MXRA7: variants seen among roughly 807,000 people sequenced by gnomAD.
MXRA7 encodes matrix remodeling associated 7.
A neutral mutation model predicts 17.4 loss-of-function variants in MXRA7; 18 were observed. The observed-to-expected ratio is 1.03, with a 90% CI of 0.71 to 1.53. The LOEUF is 1.53. MXRA7 is among the 40% of genes most tolerant of loss of function. The pLI is 0.00. For synonymous variants in MXRA7, 70 were observed against 101.7 expected (o/e 0.69, Z 1.87); for missense variants, 141 against 209.3 (o/e 0.67, Z 2.01).
intron 3 of MXRA7, chr17:76,683,964 C>G (rs746785149): frequency 1.3e-6 from 2 of 1,532,780 alleles, no homozygotes; most frequent in East Asian, 4.5e-5. Flanking sequence ...TCATGCCAAG[C>G]GGCAGCATCC....
intron 1 of MXRA7, among the ~76,000 whole-genome samples, chr17:76,708,331 C>T (rs897689927): frequency 2.0e-5 from 3 of 152,212 alleles, no homozygotes; most frequent in African/African-American, 4.8e-5. Context: ...GTGAGTTACA[C>T]GCTGCTCCCC....
Position 76,710,665 on chromosome 17 carries a change from C to G in MXRA7, c.282G>C (p.Gly94=). The G allele has an allele frequency of 7.5e-7, 1 of 1,335,530 alleles. No homozygotes were observed. The highest frequency in any genetic ancestry group is 9.6e-7 in the Non-Finnish European group (1 of 1,039,146). 82.7% of individuals were successfully genotyped at this position (1,335,530 alleles called of 1,614,324 possible). ...CTGGCGCCGCCGCGGGATCCCCTGG[C>G]CCTTCGGGCTCCCCCGGTCCCGCAG... is the stretch of plus-strand genomic sequence containing the variant. The part of the protein sequence containing the change: ...GEPAGPGEPE[G]PGDPAAAPAE... The change falls in exon 1 of 4, where the codon GGG becomes GGC. Residue 94 remains glycine (G), a synonymous_variant. Coordinates refer to ENST00000449428, the MANE Select transcript of MXRA7 (RefSeq NM_198530.4).
chr17:76,688,599 T>C, intron 1 of MXRA7: 2 of 1,253,996 alleles, frequency 1.6e-6, no homozygotes, highest in South Asian at 7.3e-5. Context: ...AGCCTCTGGC[T>C]TTGCTTCCTT....
chr17:76,699,182 T>C (rs2076566987), intron 1 of MXRA7, among the ~76,000 whole-genome samples: 1 of 152,148 alleles, frequency 6.6e-6, no homozygotes, highest in East Asian at 1.9e-4. Flanking sequence ...ACTCATTCTG[T>C]AGCCCAGGCT....
intron 3 of MXRA7, chr17:76,684,018 T>C: frequency 9.7e-7 from 1 of 1,026,194 alleles, no homozygotes; most frequent in South Asian, 1.3e-5. Flanking sequence ...CTCTTCCTCC[T>C]GGCTGTGCTT....
At chr17:76,683,439 G>A (rs373359753) in intron 3 of MXRA7, among the ~76,000 whole-genome samples, 8 of 152,344 alleles carry the variant, frequency 5.3e-5, no homozygotes, top group East Asian at 1.9e-4. Context: ...AGCACGGACC[G>A]TTCTCAGAGT....
chr17:76,688,081 G>A (rs753022291), intron 2 of MXRA7, 32 bp downstream of exon 2: 1 of 1,608,462 alleles, frequency 6.2e-7, no homozygotes, highest in Non-Finnish European at 8.5e-7. Context: ...GACACTGTCA[G>A]GCCCCCTCAT....
chr17:76,679,111 A>G (rs2076264966), downstream of MXRA7, among the ~76,000 whole-genome samples: 1 of 152,068 alleles, frequency 6.6e-6, no homozygotes, highest in Non-Finnish European at 1.5e-5. Flanking sequence ...CCTGAGCAAC[A>G]TAGTCAGACT....
intron 2 of MXRA7, among the ~76,000 whole-genome samples, chr17:76,686,127 T>C (rs1038319875): frequency 6.6e-6 from 1 of 152,006 alleles, no homozygotes; most frequent in African/African-American, 2.4e-5. Context: ...TGTGGACCGA[T>C]GGGGAGGCGG....
At chr17:76,689,706 T>C (rs982946074) in intron 1 of MXRA7, 2 of 152,016 alleles carry the variant, frequency 1.3e-5, no homozygotes, top group African/African-American at 4.8e-5. Context: ...CCGCGTGCAG[T>C]TGAAAAGACA....
chr17:76,697,035 G>A (rs897220389), intron 1 of MXRA7, among the ~76,000 whole-genome samples: 9 of 152,150 alleles, frequency 5.9e-5, no homozygotes, highest in African/African-American at 1.9e-4. Flanking sequence ...CAGGCTACTC[G>A]GCTCATGGGC....
intron 3 of MXRA7, 31 bp from the exon 4 acceptor site, chr17:76,680,910 T>C (rs1474174975): frequency 1.9e-6 from 3 of 1,551,150 alleles, no homozygotes; most frequent in Non-Finnish European, 2.7e-6. Flanking sequence ...AAAAAGATAA[T>C]TTATTTTACT....
At chr17:76,683,785 G>T in intron 3 of MXRA7, 1 of 1,265,880 alleles carries the variant, frequency 7.9e-7, no homozygotes. Flanking sequence ...TCAGTTGTTT[G>T]GGGGCACGTT....
intron 1 of MXRA7, among the ~76,000 whole-genome samples, chr17:76,695,568 G>A (rs1327652211): frequency 6.6e-6 from 1 of 152,066 alleles, no homozygotes; most frequent in Non-Finnish European, 1.5e-5. Context: ...GCACGGTGGG[G>A]GCCTGGAGGA....
intron 1 of MXRA7, among the ~76,000 whole-genome samples, chr17:76,707,286 C>T: frequency 7.5e-6 from 1 of 134,108 alleles, no homozygotes. Flanking sequence ...CAGGAAGTCC[C>T]TACTCTTTTT....
rs1598332320 is a variant in MXRA7 at position 76,679,947 on chromosome 17, T to C, written c.*920A>G. ...AGCCTTCCATTAAATGAAAACATTT[T>C]CTATAAACTTACTGCTTTAAAAAAA... is the stretch of plus-strand genomic sequence containing the variant. On this transcript the variant is annotated 3_prime_UTR_variant, in exon 4 of 4. Coordinates refer to ENST00000449428, the MANE Select transcript of MXRA7 (RefSeq NM_198530.4). The C allele has an allele frequency of 2.2e-6, 1 of 452,184 alleles. No homozygotes were observed. Among genetic ancestry groups the C allele is most frequent in the East Asian group, 1.4e-4 (1 of 7,298 alleles). The allele number at this position is 452,184 out of a possible 1,614,324, so 28.0% of individuals were successfully genotyped here.
intron 2 of MXRA7, among the ~76,000 whole-genome samples, chr17:76,687,165 C>A (rs374388436): frequency 6.6e-6 from 1 of 152,214 alleles, no homozygotes; most frequent in Non-Finnish European, 1.5e-5. Context: ...GAGCAAGGGT[C>A]CTTCCTGGTA....
At chr17:76,677,664 A>G (rs1346586594), downstream of MXRA7, 3 of 1,614,006 alleles carry the variant, frequency 1.9e-6, no homozygotes, top group Admixed American at 5.0e-5. Context: ...GTTGTCTTTC[A>G]TGAGCTTGAA....
intron 1 of MXRA7, among the ~76,000 whole-genome samples, chr17:76,699,116 C>A (rs1176999676): frequency 6.6e-6 from 1 of 152,076 alleles, no homozygotes; most frequent in South Asian, 2.1e-4. Flanking sequence ...CCATTCAATG[C>A]CTTCAGGTGG....
Sources: allele counts gnomAD v4.1 joint callset (sites outside exome capture counted in the v4.1 genomes callset), GRCh38; gene constraint gnomAD v4.1.1; transcripts MANE v1.5; gene names NCBI Gene and HGNC (gene_info 2026-07-23, HGNC 2026-07-21).